The following SNAP25 variants were observed in gnomAD, a reference collection of about 807,000 sequenced individuals.
SNAP25 encodes synaptosome associated protein 25.
Under a neutral mutation model 28.7 loss-of-function variants are expected in SNAP25, and 3 were observed. The observed-to-expected ratio is 0.10, with a 90% CI of 0.05 to 0.27. SNAP25 has a LOEUF of 0.27. Ranked by LOEUF, SNAP25 falls within the 10% of genes least tolerant of loss-of-function variation. The pLI is 1.00. For missense variants in SNAP25, 117 were observed against 278.7 expected (o/e 0.42, Z 4.13); for synonymous variants, 61 against 88.1 (o/e 0.69, Z 1.72).
chr20:10,238,554 G>A (rs2062964416), intron 1 of SNAP25, among the ~76,000 whole-genome samples: 1 of 152,152 alleles, frequency 6.6e-6, no homozygotes, highest in African/African-American at 2.4e-5. Flanking sequence ...GAAGGATGCT[G>A]TGCAACTCTA....
At chr20:10,290,406 A>G (rs2123104473) in intron 4 of SNAP25, among the ~76,000 whole-genome samples, 1 of 152,336 alleles carries the variant, frequency 6.6e-6, no homozygotes, top group Non-Finnish European at 1.5e-5. Flanking sequence ...AATCAAATTC[A>G]GCTTCAGAGT....
intron 3 of SNAP25, among the ~76,000 whole-genome samples, chr20:10,282,538 A>T (rs2063799851): frequency 6.6e-6 from 1 of 152,230 alleles, no homozygotes; most frequent in African/African-American, 2.4e-5. Context: ...AATTGGACAA[A>T]TGTGCAATTA....
At chr20:10,226,998 G>A (rs1040039895) in intron 1 of SNAP25, among the ~76,000 whole-genome samples, 3 of 152,058 alleles carry the variant, frequency 2.0e-5, no homozygotes, top group African/African-American at 7.2e-5. Flanking sequence ...AAAACTCATG[G>A]AGCAATGCAA....
intron 1 of SNAP25, among the ~76,000 whole-genome samples, chr20:10,263,248 T>C (rs954193806): frequency 1.3e-5 from 2 of 151,706 alleles, no homozygotes. Context: ...CTCGATCTCC[T>C]GACCTCATGA....
At chr20:10,266,979 A>G (rs2063517900) in intron 1 of SNAP25, among the ~76,000 whole-genome samples, 1 of 152,182 alleles carries the variant, frequency 6.6e-6, no homozygotes, top group Non-Finnish European at 1.5e-5. Flanking sequence ...CACAAATTAA[A>G]TATTCACAGC....
intron 1 of SNAP25, among the ~76,000 whole-genome samples, chr20:10,234,737 A>C (rs181316938): frequency 6.6e-6 from 1 of 152,332 alleles, no homozygotes; most frequent in African/African-American, 2.4e-5. Context: ...TAGACATATA[A>C]ATTGCACTAA....
chr20:10,278,875 G>A (rs1434434396), intron 3 of SNAP25, among the ~76,000 whole-genome samples: 1 of 145,046 alleles, frequency 6.9e-6, no homozygotes, highest in Non-Finnish European at 1.5e-5. Flanking sequence ...CTGGAGGAGT[G>A]GGAAGGAGGT....
chr20:10,228,025 C>T (rs2062763084), intron 1 of SNAP25, among the ~76,000 whole-genome samples: 1 of 152,036 alleles, frequency 6.6e-6, no homozygotes, highest in Admixed American at 6.5e-5. Context: ...TGTCCTCTTG[C>T]CTGGGAGAGA....
intron 1 of SNAP25, among the ~76,000 whole-genome samples, chr20:10,248,987 A>G (rs2063177830): frequency 6.6e-6 from 1 of 152,224 alleles, no homozygotes; most frequent in African/African-American, 2.4e-5. Flanking sequence ...CGCTTCACAG[A>G]TGAAAAAACA....
In SNAP25 at chr20:10,297,000, T is replaced by C. The variant is rs1246342625; in HGVS notation, c.357T>C (p.Arg119=). The C allele has an allele frequency of 2.5e-6, 4 of 1,613,104 alleles. No individual in the cohort carries two copies. In the South Asian group the frequency reaches 4.4e-5, roughly 18 times the overall value. ...QDGVVASQPA[R]VVDEREQMAI... The stretch of plus-strand genomic sequence containing the variant: ...GAGTGGTGGCCAGCCAGCCTGCTCG[T>C]GTAGTGGACGAACGGGAGCAGATGG... Residue 119 remains arginine (R), a synonymous_variant, in exon 6 of 8, where the codon CGT becomes CGC. Transcript: ENST00000254976.
intron 1 of SNAP25, among the ~76,000 whole-genome samples, chr20:10,259,917 A>C (rs1200077298): frequency 2.6e-5 from 4 of 152,166 alleles, no homozygotes; most frequent in Non-Finnish European, 5.9e-5. Flanking sequence ...AGAGCCAGAG[A>C]CCTCAGGTTT....
intron 1 of SNAP25, among the ~76,000 whole-genome samples, chr20:10,244,161 T>G (rs2063085790): frequency 6.6e-6 from 1 of 152,216 alleles, no homozygotes; most frequent in Non-Finnish European, 1.5e-5. Flanking sequence ...TTGACTATGG[T>G]GCAAACATTC....
At chr20:10,233,908 G>A (rs944245366) in intron 1 of SNAP25, among the ~76,000 whole-genome samples, 1 of 151,782 alleles carries the variant, frequency 6.6e-6, no homozygotes, top group East Asian at 1.9e-4. Flanking sequence ...AGACTCATAT[G>A]GGTGGCTCTT....
rs1038789849 is a variant in SNAP25, at chr20:10,279,179, G to A, written c.114+1453G>A. Among the ~76,000 whole-genome samples, 3 of 152,178 alleles carry A rather than the reference G, an allele frequency of 2.0e-5. 1 individual carries two copies. The highest frequency in any genetic ancestry group is 4.1e-4 in the South Asian group (2 of 4,834). On this transcript the variant is annotated intron_variant, in intron 3 of 7. Coordinates refer to ENST00000254976, the MANE Select transcript of SNAP25 (RefSeq NM_130811.4). ...TAGATATTCTAAATCTACGAGTACA[G>A]GCAAGACTCTTAGCATGGACTTATT...
chr20:10,247,641 C>G (rs1425356679), intron 1 of SNAP25, among the ~76,000 whole-genome samples: 1 of 152,170 alleles, frequency 6.6e-6, no homozygotes, highest in Non-Finnish European at 1.5e-5. Flanking sequence ...CATTTCTGCT[C>G]TACTTGCTGC....
chr20:10,247,791 C>T (rs1325248673), intron 1 of SNAP25, among the ~76,000 whole-genome samples: 2 of 152,232 alleles, frequency 1.3e-5, no homozygotes. Flanking sequence ...TTGAGACATA[C>T]TCAGTAGGTC....
chr20:10,252,388 A>G (rs2122818255), intron 1 of SNAP25, among the ~76,000 whole-genome samples: 1 of 152,344 alleles, frequency 6.6e-6, no homozygotes, highest in African/African-American at 2.4e-5. Context: ...AATGCTTGGG[A>G]TTATCTTTTC....
chr20:10,282,476 C>T (rs766372001), intron 3 of SNAP25, among the ~76,000 whole-genome samples: 55 of 152,216 alleles, frequency 3.6e-4, no homozygotes, highest in Admixed American at 8.5e-4. Flanking sequence ...AAAACTCTTG[C>T]TCCCTCAAAT....
In SNAP25 at chr20:10,233,444, G is replaced by A. The variant is rs556517942; in HGVS notation, c.-64+14467G>A. ...ATTTATCCTTGTCACAAATTTTCTTGGACACAGTGAAGGAAGGGAAAGGGA... is the reference window on the plus strand; with the variant it reads ...ATTTATCCTTGTCACAAATTTTCTTAGACACAGTGAAGGAAGGGAAAGGGA... On this transcript the variant is annotated intron_variant, in intron 1 of 7. Coordinates refer to ENST00000254976, the MANE Select transcript of SNAP25 (RefSeq NM_130811.4). Among the ~76,000 whole-genome samples, 49 of 152,192 alleles carry A rather than the reference G, an allele frequency of 3.2e-4. No homozygotes were observed. In the South Asian group the frequency reaches 9.6e-3, roughly 30 times the overall value.
Sources: gnomAD v4.1 joint callset for allele counts (sites outside exome capture counted in the v4.1 genomes callset) on GRCh38, gnomAD v4.1.1 for gene constraint, MANE v1.5 for transcripts, NCBI Gene and HGNC (gene_info 2026-07-23, HGNC 2026-07-21) for gene names.